LARP4: variants seen among roughly 807,000 people sequenced by gnomAD.
The protein encoded by LARP4 is la-related protein 4.
LARP4 carries 29 observed loss-of-function variants against 92.9 expected under a neutral mutation model. The observed-to-expected ratio is 0.31, with a 90% CI of 0.23 to 0.43. LARP4 has a LOEUF of 0.43. Ranked by LOEUF, LARP4 falls within the 20% of genes least tolerant of loss-of-function variation. LARP4 has a pLI of 1.00. For missense variants in LARP4, 732 were observed against 860.0 expected (o/e 0.85, Z 1.86); for synonymous variants, 279 against 284.1 (o/e 0.98, Z 0.18).
chr12:50,465,013 A>G lies in LARP4; in HGVS notation c.1384-1946A>G, dbSNP rs536783290. On this transcript the variant is annotated intron_variant, in intron 12 of 15. Coordinates refer to ENST00000398473, the MANE Select transcript of LARP4 (RefSeq NM_052879.5). ...CCCAACAATTCTTTCTTAGCATTCC[A>G]TAGTAGCAGTCCACATGACTTCTCA... 5.3e-5 allele frequency among the ~76,000 whole-genome samples: 8 copies of G among 152,214 alleles called. 1 individual carries two copies. The East Asian group carries it at 9.7e-4, about 18-fold the overall frequency.
chr12:50,453,152 C>T (rs1340565079), intron 8 of LARP4, among the ~76,000 whole-genome samples: 3 of 150,642 alleles, frequency 2.0e-5, no homozygotes, highest in African/African-American at 4.9e-5. Flanking sequence ...TGGGCTCATG[C>T]GATCCTACCC....
intron 12 of LARP4, 74 bp from the exon 13 acceptor site, chr12:50,466,885 C>A: frequency 7.1e-7 from 1 of 1,401,534 alleles, no homozygotes; most frequent in Non-Finnish European, 9.8e-7. Context: ...TTTTCTTGCA[C>A]CTTTCAGCTT....
At position 50,479,717 on chromosome 12, in the gene LARP4, CTG is replaced by C. The variant is rs1184612670; in HGVS notation, c.*3855_*3856del. The stretch of plus-strand genomic sequence containing the variant: ...ATTTTCAGTTTTGCAGCACAGAACA[CTG>C]TTGAAATATCCATATCAACTTGATT... On this transcript the variant is annotated 3_prime_UTR_variant, in exon 16 of 16. Transcript: ENST00000398473. The C allele has an allele frequency of 2.0e-5, 3 of 152,208 alleles. No homozygotes were observed. The highest frequency in any genetic ancestry group is 7.2e-5 in the African/African-American group (3 of 41,442). 9.4% of individuals were successfully genotyped at this position (152,208 alleles called of 1,614,324 possible).
rs559331907 is a variant in LARP4 at position 50,457,804 on chromosome 12, A to G, written c.1122-3331A>G. ...GCTCCAGCCTGGGTGACACAGCCAG[A>G]CCTTTCTCAAAAAAAAAAAAAATTA... On this transcript the variant is annotated intron_variant, in intron 10 of 15. Coordinates refer to ENST00000398473, the MANE Select transcript of LARP4 (RefSeq NM_052879.5). Among the ~76,000 whole-genome samples, 28 of 83,692 alleles carry G rather than the reference A, an allele frequency of 3.3e-4. No homozygotes were observed. The South Asian group carries it at 8.2e-3, about 25-fold the overall frequency. 54.9% of individuals were successfully genotyped at this position (83,692 alleles called of 152,430 possible). A position where few individuals can be genotyped will look rare whatever the true frequency, so the allele number is the denominator to read the frequency against.
At chr12:50,409,836 T>C (rs568527307) in intron 1 of LARP4, among the ~76,000 whole-genome samples, 194 of 151,940 alleles carry the variant, frequency 1.3e-3, no homozygotes, top group Non-Finnish European at 2.3e-3. Context: ...TTCGCTCTTA[T>C]TGCCCAGGCT....
At position 50,475,920 on chromosome 12, in the gene LARP4, G is replaced by A. The variant is rs568555281; in HGVS notation, c.*56G>A. On this transcript the variant is annotated 3_prime_UTR_variant, in exon 16 of 16. Transcript: ENST00000398473. ...CTCTTCCCATTAAACTTGAACTGTGGCTATATTGAACTGTTTTGGAGGGGA... is the reference window on the plus strand; with the variant it reads ...CTCTTCCCATTAAACTTGAACTGTGACTATATTGAACTGTTTTGGAGGGGA... 6.7e-7 allele frequency: 1 copy of A among 1,482,082 alleles called. No homozygotes were observed. The highest frequency in any genetic ancestry group is 9.3e-7 in the Non-Finnish European group (1 of 1,077,176). The allele number at this position is 1,482,082 out of a possible 1,614,324, so 91.8% of individuals were successfully genotyped here.
chr12:50,464,940 T>C (rs963787599), intron 12 of LARP4, among the ~76,000 whole-genome samples: 2 of 151,634 alleles, frequency 1.3e-5, no homozygotes, highest in Non-Finnish European at 2.9e-5. Flanking sequence ...TCCACCTGCC[T>C]CGGCCTCCCA....
chr12:50,436,112 GTGTGTGTGATA>G (rs1422686500), intron 5 of LARP4, among the ~76,000 whole-genome samples: 2 of 143,054 alleles, frequency 1.4e-5, no homozygotes, highest in Non-Finnish European at 3.0e-5. Flanking sequence ...GTGTGTGTGT[GTGTGTGTGATA>G]TGTGTGTGTG....
intron 10 of LARP4, among the ~76,000 whole-genome samples, chr12:50,455,531 T>G (rs190741224): frequency 1.3e-5 from 2 of 152,354 alleles, no homozygotes; most frequent in African/African-American, 4.8e-5. Flanking sequence ...CAGATTCGAT[T>G]CTTCTAATTA....
At chr12:50,442,906 A>T (rs1343242311) in intron 8 of LARP4, among the ~76,000 whole-genome samples, 1 of 152,198 alleles carries the variant, frequency 6.6e-6, no homozygotes, top group Non-Finnish European at 1.5e-5. Flanking sequence ...ATTAGTTTCC[A>T]TATTACAGAT....
chr12:50,421,711 A>T (rs1176926771), intron 1 of LARP4, among the ~76,000 whole-genome samples: 4 of 152,046 alleles, frequency 2.6e-5, no homozygotes, highest in Non-Finnish European at 5.9e-5. Context: ...TGGGGAGAAC[A>T]CCAATCTGGT....
chr12:50,476,587 T>A lies in LARP4; in HGVS notation c.*723T>A, dbSNP rs749827598. 1 of 152,642 alleles carries A rather than the reference T, an allele frequency of 6.6e-6. No individual in the cohort carries two copies. Among genetic ancestry groups the A allele is most frequent in the Non-Finnish European group, 1.5e-5 (1 of 68,036 alleles). The allele number at this position is 152,642 out of a possible 1,614,324, so 9.5% of individuals were successfully genotyped here. A position where few individuals can be genotyped will look rare whatever the true frequency, so the allele number is the denominator to read the frequency against. Reference sequence around the variant, plus strand: ...GAGATGTGACTACCAATCAGTTTGATACTCAAGGAAAGGGGGTTATTCAAG... The same window carrying A: ...GAGATGTGACTACCAATCAGTTTGAAACTCAAGGAAAGGGGGTTATTCAAG... On this transcript the variant is annotated 3_prime_UTR_variant, in exon 16 of 16. Transcript: ENST00000398473.
chr12:50,426,792 G>A (rs1441422785), intron 1 of LARP4, among the ~76,000 whole-genome samples: 3 of 144,964 alleles, frequency 2.1e-5, no homozygotes, highest in East Asian at 4.3e-4. Flanking sequence ...AGGCTGGAGT[G>A]CAGTGGTGCA....
chr12:50,437,934 G>T, intron 6 of LARP4, 96 bp downstream of exon 6: 1 of 700,338 alleles, frequency 1.4e-6, no homozygotes, highest in Non-Finnish European at 2.4e-6. Context: ...ATTGGAAGAG[G>T]TACACAAGCA....
At chr12:50,473,051 AC>A (rs1304792240) in intron 13 of LARP4, among the ~76,000 whole-genome samples, 2 of 149,144 alleles carry the variant, frequency 1.3e-5, no homozygotes, top group Non-Finnish European at 3.0e-5. Flanking sequence ...TTGAACTCTG[AC>A]CTTGTGATCC....
intron 8 of LARP4, among the ~76,000 whole-genome samples, chr12:50,445,807 A>G (rs1213125758): frequency 6.6e-6 from 1 of 151,930 alleles, no homozygotes; most frequent in Non-Finnish European, 1.5e-5. Context: ...TTTCCCCTTA[A>G]TTTCAATTTA....
At position 50,475,578 on chromosome 12, in the gene LARP4, C is replaced by A. The variant is rs1593515867; in HGVS notation, c.1889C>A (p.Pro630Gln). Residue 630 changes from proline to glutamine, a missense_variant, in exon 16 of 16, where the codon CCA becomes CAA. Pro to Gln is a moderately conservative substitution (Grantham distance 76, BLOSUM62 -1). Around this residue, in one of 7 missense-constraint regions of LARP4, gnomAD observed 115 missense variants for 129.1 expected, o/e 0.89. Coordinates refer to ENST00000398473, the MANE Select transcript of LARP4 (RefSeq NM_052879.5). ...AEVCQKPPKE[P>Q]SSVLVQPLRE... ...GTGTGCCAGAAGCCCCCTAAAGAGC[C>A]ATCTTCAGTTCTTGTGCAGCCACTA... 2 of 1,613,948 alleles carry A rather than the reference C, an allele frequency of 1.2e-6. No individual in the cohort carries two copies. The highest frequency in any genetic ancestry group is 1.7e-6 in the Non-Finnish European group (2 of 1,179,960).
chr12:50,440,717 A>G (rs999030123), intron 7 of LARP4, among the ~76,000 whole-genome samples, 168 bp downstream of exon 7: 3 of 152,130 alleles, frequency 2.0e-5, no homozygotes, highest in African/African-American at 4.8e-5. Flanking sequence ...TCATCTTCCT[A>G]AAGTTTTTCA....
intron 1 of LARP4, among the ~76,000 whole-genome samples, chr12:50,426,131 C>G (rs1948670911): frequency 6.6e-6 from 1 of 152,030 alleles, no homozygotes; most frequent in Non-Finnish European, 1.5e-5. Flanking sequence ...GTCAGGATCC[C>G]CCTTCCCTGA....
Sources: allele counts gnomAD v4.1 joint callset (sites outside exome capture counted in the v4.1 genomes callset), GRCh38; gene constraint gnomAD v4.1.1; regional missense constraint gnomAD v4.1.1; transcripts MANE v1.5; gene names NCBI Gene and HGNC (gene_info 2026-07-23, HGNC 2026-07-21).